AAMDC: variants seen among roughly 807,000 people sequenced by gnomAD.
AAMDC encodes the protein adipogenesis associated Mth938 domain containing.
In AAMDC, 16 loss-of-function variants were observed where a neutral mutation model predicts 15.5. That is an observed-to-expected ratio of 1.03 (90% CI 0.70 to 1.57). The LOEUF is 1.57. Among genes scored for constraint, AAMDC ranks in the 40% most tolerant of loss-of-function variants. AAMDC has a pLI of 0.00. For missense variants in AAMDC, 141 were observed against 144.9 expected (o/e 0.97, Z 0.14); for synonymous variants, 51 against 51.6 (o/e 0.99, Z 0.05).
intron 1 of AAMDC, among the ~76,000 whole-genome samples, chr11:77,838,614 C>T (rs902643878): frequency 7.5e-6 from 1 of 134,198 alleles, no homozygotes; most frequent in African/African-American, 2.9e-5. Flanking sequence ...GATACAAGTA[C>T]CTTTTTTTTT....
intron 1 of AAMDC, among the ~76,000 whole-genome samples, chr11:77,841,795 T>C (rs957979933): frequency 6.6e-6 from 1 of 152,180 alleles, no homozygotes; most frequent in Non-Finnish European, 1.5e-5. Context: ...TGCCAATCCA[T>C]AGCTTGCCTC....
chr11:77,873,381 G>C (rs191572984), downstream of AAMDC, among the ~76,000 whole-genome samples: 1 of 152,170 alleles, frequency 6.6e-6, no homozygotes, highest in Non-Finnish European at 1.5e-5. Flanking sequence ...TCTATTAATG[G>C]GGATACTGTG....
At chr11:77,874,232 C>T (rs933909752), downstream of AAMDC, among the ~76,000 whole-genome samples, 6 of 152,180 alleles carry the variant, frequency 3.9e-5, no homozygotes, top group Non-Finnish European at 8.8e-5. Context: ...GAAGGATCTG[C>T]TTGGTGCCCT....
intron 1 of AAMDC, among the ~76,000 whole-genome samples, chr11:77,829,357 T>G (rs1387520883): frequency 6.6e-6 from 1 of 152,214 alleles, no homozygotes; most frequent in Non-Finnish European, 1.5e-5. Flanking sequence ...TTTTGTTGTT[T>G]AAGTTACCAA....
chr11:77,872,225 G>A lies in AAMDC; in HGVS notation c.279G>A (p.Arg93=). ...TCAAGAAACATGGCATTGATGTGCG[G>A]GTCCTCCAGACAGAGCAGGCAGTGA... ...EYLKKHGIDV[R]VLQTEQAVKE... The change falls in exon 4 of 4, where the codon CGG becomes CGA. Residue 93 remains arginine, a synonymous_variant. Coordinates refer to ENST00000393427, the MANE Select transcript of AAMDC (RefSeq NM_024684.4). 1 of 1,613,780 alleles carries A rather than the reference G, an allele frequency of 6.2e-7. No individual in the cohort carries two copies. The highest frequency in any genetic ancestry group is 1.7e-5 in the Admixed American group (1 of 59,968).
Position 77,890,271 on chromosome 11 carries a change from C to T in AAMDC, c.329-10300C>T, listed in dbSNP as rs113762123. On this transcript the variant is annotated intron_variant, in intron 5 of 5. Coordinates refer to the AAMDC transcript ENST00000304716. ...TGCTTGGAAGCCAGAAGGCCTGTTC[C>T]TCTATTGTCACCATAGCCAAAAAGC... 1.6e-3 allele frequency among the ~76,000 whole-genome samples: 243 copies of T among 152,316 alleles called. 2 individuals are homozygous for T. Among genetic ancestry groups the T allele is most frequent in the African/African-American group, 5.6e-3 (234 of 41,566 alleles).
intron 5 of AAMDC, among the ~76,000 whole-genome samples, chr11:77,879,644 T>C (rs1418191071): frequency 1.3e-5 from 2 of 152,198 alleles, no homozygotes; most frequent in Non-Finnish European, 2.9e-5. Flanking sequence ...ACCTAAAATG[T>C]CTGAAAACAT....
In AAMDC at chr11:77,869,775, A is replaced by G. The variant is rs1340359154; in HGVS notation, c.186A>G (p.Val62=). ...ADVKEVVEKG[V]QTLVIGRGMS... ...TGAAGGAAGTTGTTGAGAAGGGTGT[A>G]CAGACTCTTGTGATTGGCCGAGGGA... The change falls in exon 3 of 4, where the codon GTA becomes GTG. Residue 62 remains valine, a synonymous_variant. Coordinates refer to ENST00000393427, the MANE Select transcript of AAMDC (RefSeq NM_024684.4). 1.2e-6 allele frequency: 2 copies of G among 1,614,042 alleles called. No individual in the cohort carries two copies. The highest frequency in any genetic ancestry group is 1.7e-6 in the Non-Finnish European group (2 of 1,179,932).
chr11:77,870,931 A>G, intron 3 of AAMDC, among the ~76,000 whole-genome samples: 1 of 151,994 alleles, frequency 6.6e-6, no homozygotes, highest in East Asian at 1.9e-4. Flanking sequence ...ATAGAGGCCT[A>G]CCTCATTCTT....
At chr11:77,844,133 C>T (rs1236987392) in intron 2 of AAMDC, among the ~76,000 whole-genome samples, 2 of 152,068 alleles carry the variant, frequency 1.3e-5, no homozygotes, top group Admixed American at 6.6e-5. Flanking sequence ...TTGCAGACAG[C>T]CAACTTCTCT....
downstream of AAMDC, chr11:77,872,430 G>A (rs668701): frequency 0.21 from 276,445 of 1,291,862 alleles, 31,380 homozygotes; most frequent in Non-Finnish European, 0.23. Context: ...GCCAGGTCCT[G>A]TGCTAGGCTC....
At chr11:77,877,883 C>A (rs1000866223) in intron 5 of AAMDC, among the ~76,000 whole-genome samples, 1 of 152,120 alleles carries the variant, frequency 6.6e-6, no homozygotes, top group Admixed American at 6.6e-5. Context: ...CAGCCCCCAG[C>A]CCCATGCCTA....
At chr11:77,879,582 G>C (rs890027799) in intron 5 of AAMDC, among the ~76,000 whole-genome samples, 4 of 152,166 alleles carry the variant, frequency 2.6e-5, no homozygotes, top group Admixed American at 2.6e-4. Flanking sequence ...CTTTGAATAG[G>C]AAGTGGTTCG....
intron 1 of AAMDC, among the ~76,000 whole-genome samples, chr11:77,825,656 G>A (rs1357055998): frequency 1.3e-5 from 2 of 151,370 alleles, no homozygotes; most frequent in Non-Finnish European, 2.9e-5. Context: ...TCTATTCATT[G>A]AAGAAGACAC....
intron 1 of AAMDC, among the ~76,000 whole-genome samples, chr11:77,838,256 A>G (rs998407010): frequency 3.3e-5 from 5 of 152,146 alleles, no homozygotes; most frequent in African/African-American, 7.2e-5. Context: ...TGGTAAGGTT[A>G]TAGTACGGTT....
intron 1 of AAMDC, among the ~76,000 whole-genome samples, chr11:77,827,357 C>T (rs994579061): frequency 6.6e-6 from 1 of 152,164 alleles, no homozygotes; most frequent in Non-Finnish European, 1.5e-5. Flanking sequence ...CCCAATACCT[C>T]ATGTGAATCT....
At chr11:77,901,492 C>T (rs1411293284), downstream of AAMDC, 7 of 1,611,846 alleles carry the variant, frequency 4.3e-6, no homozygotes, top group Non-Finnish European at 5.9e-6. Context: ...GTATAATCAC[C>T]ACCTGCTTAT....
downstream of AAMDC, among the ~76,000 whole-genome samples, chr11:77,903,010 T>G (rs1305069202): frequency 4.6e-5 from 7 of 152,224 alleles, no homozygotes; most frequent in Non-Finnish European, 7.3e-5. Context: ...CCTTAAGTGA[T>G]GTGCCCATCT....
chr11:77,881,234 A>C (rs1286301641), intron 5 of AAMDC, among the ~76,000 whole-genome samples: 1 of 152,200 alleles, frequency 6.6e-6, no homozygotes, highest in Non-Finnish European at 1.5e-5. Context: ...AGGGAAGTAA[A>C]ATAACTTTCT....
Sources: allele counts gnomAD v4.1 joint callset (sites outside exome capture counted in the v4.1 genomes callset), GRCh38; gene constraint gnomAD v4.1.1; transcripts MANE v1.5; gene names NCBI Gene and HGNC (gene_info 2026-07-23, HGNC 2026-07-21).